Variants in TAF4 observed in about 807,000 individuals in gnomAD.
TAF4 encodes transcription initiation factor TFIID subunit 4.
In TAF4, 9 loss-of-function variants were observed where a neutral mutation model predicts 90.3. That is an observed-to-expected ratio of 0.10 (90% confidence interval 0.06 to 0.17). TAF4 has a LOEUF of 0.17. Ranked by LOEUF, TAF4 falls within the 10% of genes least tolerant of loss-of-function variation. The pLI is 1.00. For synonymous variants in TAF4, 818 were observed against 638.9 expected, an observed-to-expected ratio of 1.28 and a Z score of -4.23; for missense variants, 1,351 against 1,370.7, an observed-to-expected ratio of 0.99 and a Z score of 0.23.
chr20:62,021,542 G>A (rs1309643671), intron 1 of TAF4, among the ~76,000 whole-genome samples: 2 of 152,274 alleles, frequency 1.3e-5, no homozygotes, highest in African/African-American at 2.4e-5. Flanking sequence ...CGCGCCCAAC[G>A]CGGAGTCGGC....
At chr20:62,015,060 C>A (rs947476177) in intron 1 of TAF4, among the ~76,000 whole-genome samples, 11 of 152,224 alleles carry the variant, frequency 7.2e-5, no homozygotes, top group African/African-American at 2.7e-4. Flanking sequence ...TCCTTGCCCC[C>A]ACCTCCTGCC....
At chr20:62,018,148 G>A (rs527967713) in intron 1 of TAF4, among the ~76,000 whole-genome samples, 1 of 152,358 alleles carries the variant, frequency 6.6e-6, no homozygotes, top group East Asian at 1.9e-4. Flanking sequence ...GAGTGGCCAC[G>A]TCTCCTAAGC....
intron 1 of TAF4, among the ~76,000 whole-genome samples, chr20:62,031,812 G>T (rs2055905881): frequency 6.6e-6 from 1 of 151,932 alleles, no homozygotes; most frequent in Non-Finnish European, 1.5e-5. Flanking sequence ...GAGACGCCGG[G>T]GTGCAGGGCA....
At chr20:62,061,953 A>G (rs1243692160) in intron 1 of TAF4, among the ~76,000 whole-genome samples, 1 of 152,226 alleles carries the variant, frequency 6.6e-6, no homozygotes. Context: ...GCTTAGCCTT[A>G]AAGACTTCAG....
chr20:61,977,521 C>G (rs1056484424), intron 14 of TAF4, among the ~76,000 whole-genome samples: 5 of 152,216 alleles, frequency 3.3e-5, no homozygotes, highest in Admixed American at 1.3e-4. Flanking sequence ...CCCCCTTCCC[C>G]GTTCTGCCAC....
At chr20:61,996,777 G>A (rs1413603467) in intron 14 of TAF4, among the ~76,000 whole-genome samples, 33 of 143,388 alleles carry the variant, frequency 2.3e-4, no homozygotes, top group Admixed American at 6.5e-4. Flanking sequence ...CCCACCTGGC[G>A]ACAGAGCAAG....
At chr20:62,036,471 C>G (rs2055933327) in intron 1 of TAF4, among the ~76,000 whole-genome samples, 1 of 152,164 alleles carries the variant, frequency 6.6e-6, no homozygotes, top group African/African-American at 2.4e-5. Flanking sequence ...TGAACTGTTG[C>G]AACTAACATT....
intron 9 of TAF4, among the ~76,000 whole-genome samples, chr20:62,002,043 T>C (rs926099200): frequency 6.6e-6 from 1 of 152,188 alleles, no homozygotes; most frequent in African/African-American, 2.4e-5. Context: ...TGCGTCAGCA[T>C]TCCAATCCTG....
intron 5 of TAF4, chr20:62,007,916 CTT>C (rs2055756588): frequency 3.2e-6 from 1 of 314,584 alleles, no homozygotes; most frequent in African/African-American, 2.2e-5. Context: ...CAATGCCAGT[CTT>C]TACTCAGTGC....
chr20:62,039,960 C>T (rs2055954550), intron 1 of TAF4, among the ~76,000 whole-genome samples: 1 of 152,158 alleles, frequency 6.6e-6, no homozygotes, highest in African/African-American at 2.4e-5. Context: ...GCACGGCACC[C>T]ATCGAAAAGG....
Position 62,064,921 on chromosome 20 carries a change from ACGGCGGGCGCGGCGGTCGGGGGTC to A in TAF4, c.866_889del (p.Gly289_Ala296del). ...GTTCTGGGCGGCGGCGGGGGGCGGC[ACGGCGGGCGCGGCGGTCGGGGGTC>A]CGGCGGGGTGGCCGGGCGGCCGGGC... On this transcript the variant is annotated inframe_deletion, in exon 1 of 15. Coordinates refer to ENST00000252996, the MANE Select transcript of TAF4 (RefSeq NM_003185.4). 1.7e-6 allele frequency: 1 copy of A among 597,858 alleles called. No homozygotes were observed. The highest frequency in any genetic ancestry group is 2.0e-6 in the Non-Finnish European group (1 of 492,128). 37.0% of individuals were successfully genotyped at this position (597,858 alleles called of 1,614,324 possible).
intron 1 of TAF4, among the ~76,000 whole-genome samples, chr20:62,016,200 C>T (rs1194950620): frequency 2.6e-5 from 4 of 152,192 alleles, no homozygotes; most frequent in African/African-American, 9.7e-5. Flanking sequence ...GCACACTCGG[C>T]GCCTGGGGAC....
At chr20:62,061,791 T>A (rs1178709496) in intron 1 of TAF4, among the ~76,000 whole-genome samples, 1 of 152,208 alleles carries the variant, frequency 6.6e-6, no homozygotes, top group South Asian at 2.1e-4. Flanking sequence ...GTGAATAAAA[T>A]CTAAACTCTG....
At chr20:62,062,962 T>G (rs1440492577) in intron 1 of TAF4, among the ~76,000 whole-genome samples, 1 of 152,140 alleles carries the variant, frequency 6.6e-6, no homozygotes, top group African/African-American at 2.4e-5. Context: ...ACATAATAGA[T>G]CACAGCCATC....
At chr20:62,016,564 A>G (rs1600845422) in intron 1 of TAF4, among the ~76,000 whole-genome samples, 1 of 152,186 alleles carries the variant, frequency 6.6e-6, no homozygotes, top group East Asian at 1.9e-4. Flanking sequence ...GTGGTTTGCC[A>G]GGGGTTCTCA....
chr20:62,043,332 A>G (rs2055974622), intron 1 of TAF4, among the ~76,000 whole-genome samples: 1 of 152,098 alleles, frequency 6.6e-6, no homozygotes, highest in African/African-American at 2.4e-5. Context: ...CAAAGAAAGT[A>G]TTTTTTTGCA....
intron 1 of TAF4, among the ~76,000 whole-genome samples, chr20:62,021,814 C>T (rs887362759): frequency 6.6e-6 from 1 of 152,002 alleles, no homozygotes; most frequent in African/African-American, 2.4e-5. Context: ...CAGAGTCTCA[C>T]TTAAAGTTTT....
intron 14 of TAF4, among the ~76,000 whole-genome samples, chr20:61,982,643 C>CA (rs1320457216): frequency 1.1e-5 from 1 of 88,326 alleles, no homozygotes; most frequent in African/African-American, 4.5e-5. Flanking sequence ...ACCAAACCCA[C>CA]ACCCACCCGA....
chr20:62,039,332 T>C (rs1006359948), intron 1 of TAF4, among the ~76,000 whole-genome samples: 2 of 152,174 alleles, frequency 1.3e-5, no homozygotes, highest in African/African-American at 2.4e-5. Flanking sequence ...GGCAGCAGCA[T>C]CGTTCAATAG....
Sources: allele counts gnomAD v4.1 joint callset (sites outside exome capture counted in the v4.1 genomes callset), GRCh38; gene constraint gnomAD v4.1.1; transcripts MANE v1.5; gene names NCBI Gene and HGNC (gene_info 2026-07-23, HGNC 2026-07-21).